The following KCNT1 variants were observed in gnomAD, a reference collection of about 807,000 sequenced individuals.
KCNT1 encodes potassium channel subfamily T member 1.
Under a neutral mutation model 147.8 loss-of-function variants are expected in KCNT1, and 78 were observed. The ratio of observed to expected loss-of-function variants is 0.53; its 90% CI spans 0.44 to 0.64. The LOEUF is 0.64. Ranked by LOEUF, KCNT1 falls within the 30% of genes least tolerant of loss-of-function variation. The probability of loss-of-function intolerance (pLI) is 0.00; values close to 1 mark genes in which losing one functional copy is unlikely to be tolerated. For missense variants in KCNT1, 1,419 were observed against 1,750.3 expected (o/e 0.81, Z 3.38); for synonymous variants, 867 against 748.8 (o/e 1.16, Z -2.58).
chr9:135,768,441 C>T lies in KCNT1; in HGVS notation c.1338-169C>T, dbSNP rs150343102. The T allele has an allele frequency of 1.3e-3, 767 of 586,896 alleles. 4 individuals are homozygous for T. The highest frequency in any genetic ancestry group is 0.012 in the African/African-American group (648 of 53,258). 36.4% of individuals were successfully genotyped at this position (586,896 alleles called of 1,614,324 possible). ...GCCTCCTCCCGCCTTCCATCCTCCC[C>T]GCCTTCCATCCTCTCCGCCTTCCAT... On this transcript the variant is annotated intron_variant, in intron 13 of 30. Coordinates refer to ENST00000371757, the MANE Select transcript of KCNT1 (RefSeq NM_020822.3).
At chr9:135,735,526 C>T (rs1830299712) in intron 2 of KCNT1, among the ~76,000 whole-genome samples, 1 of 152,158 alleles carries the variant, frequency 6.6e-6, no homozygotes, top group African/African-American at 2.4e-5. Context: ...AGAAACCGTC[C>T]AGCCAAGGGT....
Position 135,775,684 on chromosome 9 carries a change from C to T in KCNT1, c.2349+269C>T, listed in dbSNP as rs76125418. Among the ~76,000 whole-genome samples the T allele has an allele frequency of 0.021, 3,181 of 152,276 alleles. 115 individuals carry two copies. Among genetic ancestry groups the T allele is most frequent in the African/African-American group, 0.072 (2,995 of 41,526 alleles). Reference sequence around the variant, plus strand: ...CCATCTTGAGAACAGGTTGGAGCCACCACACCCCTTTCCCCTAATACATCT... The same window carrying T: ...CCATCTTGAGAACAGGTTGGAGCCATCACACCCCTTTCCCCTAATACATCT... On this transcript the variant is annotated intron_variant, in intron 20 of 30. Transcript: ENST00000371757.
At chr9:135,728,510 G>C (rs572980741) in intron 2 of KCNT1, among the ~76,000 whole-genome samples, 1 of 152,344 alleles carries the variant, frequency 6.6e-6, no homozygotes, top group Admixed American at 6.5e-5. Context: ...GATTTCAGGA[G>C]GCCCTGATTA....
At chr9:135,748,360 ACC>A (rs1406137370) in intron 2 of KCNT1, among the ~76,000 whole-genome samples, 18 of 147,654 alleles carry the variant, frequency 1.2e-4, no homozygotes, top group Non-Finnish European at 7.4e-5. Context: ...TGCTGCACAC[ACC>A]TGGTCCACAC....
chr9:135,764,546 C>G (rs1052710750), intron 11 of KCNT1, among the ~76,000 whole-genome samples: 1 of 152,160 alleles, frequency 6.6e-6, no homozygotes, highest in African/African-American at 2.4e-5. Flanking sequence ...TGGATCTGTC[C>G]CCTTTGAGTC....
chr9:135,763,092 G>C (rs754505392), intron 11 of KCNT1, among the ~76,000 whole-genome samples: 1 of 152,252 alleles, frequency 6.6e-6, no homozygotes, highest in African/African-American at 2.4e-5. Flanking sequence ...GCAGGGCCTG[G>C]GGGCTGGCGC....
chr9:135,723,025 C>T (rs1045757383), intron 2 of KCNT1, among the ~76,000 whole-genome samples: 2 of 152,262 alleles, frequency 1.3e-5, no homozygotes, highest in Non-Finnish European at 2.9e-5. Flanking sequence ...TCTGCCAGGT[C>T]CCTCGGGAGA....
intron 2 of KCNT1, among the ~76,000 whole-genome samples, chr9:135,744,435 C>T (rs1160955253): frequency 2.0e-5 from 3 of 152,370 alleles, no homozygotes; most frequent in South Asian, 2.1e-4. Flanking sequence ...CATGGGTACA[C>T]GCGGGGCCCA....
chr9:135,702,210 C>T lies in KCNT1; in HGVS notation c.-49C>T, dbSNP rs1347194788. On this transcript the variant is annotated 5_prime_UTR_variant, in exon 1 of 31. Coordinates refer to ENST00000371757, the MANE Select transcript of KCNT1 (RefSeq NM_020822.3). ...AGGGCAACGCGAGGGAAGAAGGTGG[C>T]GGCTCCCACTCGCTTCTCCCTCGGG... 2.2e-6 allele frequency: 3 copies of T among 1,345,238 alleles called. No homozygotes were observed. The highest frequency in any genetic ancestry group is 1.9e-5 in the Admixed American group (1 of 52,688). 83.3% of individuals were successfully genotyped at this position (1,345,238 alleles called of 1,614,324 possible).
chr9:135,709,349 G>T (rs942792680), intron 1 of KCNT1, among the ~76,000 whole-genome samples: 1 of 152,198 alleles, frequency 6.6e-6, no homozygotes, highest in Non-Finnish European at 1.5e-5. Flanking sequence ...GTTCAGGGAC[G>T]TGCAGGCTGT....
chr9:135,720,288 G>A (rs964442176), intron 2 of KCNT1, among the ~76,000 whole-genome samples: 5 of 151,968 alleles, frequency 3.3e-5, no homozygotes, highest in African/African-American at 9.7e-5. Context: ...GCCCCACCAG[G>A]CCTCCAAGCA....
intron 11 of KCNT1, among the ~76,000 whole-genome samples, chr9:135,761,432 C>CCCT (rs1431611371): frequency 2.6e-5 from 4 of 152,204 alleles, no homozygotes; most frequent in Non-Finnish European, 4.4e-5. Flanking sequence ...GGAGTGAGGC[C>CCCT]AGGAGCACAG....
chr9:135,786,387 A>G lies in KCNT1; in HGVS notation c.3368A>G (p.Gln1123Arg), dbSNP rs775015763. ...AGGCTGAGCCGCAAGGCGCCCAAGC[A>G]GGCAGGCCGGGCGGCGGCCGCGGAG... The part of the protein sequence containing the change: ...ARRLSRKAPK[Q>R]AGRAAAAEWI... Residue 1123 changes from glutamine to arginine, a missense_variant, in exon 29 of 31, where the codon CAG becomes CGG. Transcript: ENST00000371757. 11 of 1,576,194 alleles carry G rather than the reference A, an allele frequency of 7.0e-6. No individual in the cohort carries two copies. The African/African-American group carries it at 8.1e-5, about 12-fold the overall frequency.
rs375237065 is a variant in KCNT1, at chr9:135,757,394, G to A, written c.759+13G>A. ...GGAAAACATGATTGTAAGCCGGGGC[G>A]GGGGGTGCAGCTGGGACTTGGGGGG... On this transcript the variant is annotated intron_variant, in intron 9 of 30. Transcript: ENST00000371757. 406 of 1,602,978 alleles carry A rather than the reference G, an allele frequency of 2.5e-4. No individual in the cohort carries two copies. Among genetic ancestry groups the A allele is most frequent in the Non-Finnish European group, 3.1e-4 (360 of 1,178,208 alleles).
At position 135,777,424 on chromosome 9, in the gene KCNT1, T is replaced by A; in HGVS notation, c.2436T>A (p.Asn812Lys). ...TCGTCTCGGCAGAGACGGCCGGCAA[T>A]GGGCTGTACAACTTCATCGTGCCAC... is the stretch of plus-strand genomic sequence containing the variant. ...LIIVSAETAG[N>K]GLYNFIVPLR... Residue 812 changes from asparagine (N) to lysine (K), a missense_variant, in exon 21 of 31, where the codon AAT (asparagine) becomes AAA (lysine). Asn to Lys is a moderately conservative substitution (Grantham distance 94). Transcript: ENST00000371757. The A allele has an allele frequency of 6.2e-7, 1 of 1,614,000 alleles. No homozygotes were observed. The highest frequency in any genetic ancestry group is 8.5e-7 in the Non-Finnish European group (1 of 1,179,934).
At chr9:135,788,248 C>G in intron 29 of KCNT1, 1 of 1,158,924 alleles carries the variant, frequency 8.6e-7, no homozygotes, top group South Asian at 1.2e-5. Flanking sequence ...GCCATCCCGG[C>G]CAGGCAGGTG....
At chr9:135,743,651 C>G (rs751660197) in intron 2 of KCNT1, among the ~76,000 whole-genome samples, 5 of 152,228 alleles carry the variant, frequency 3.3e-5, no homozygotes, top group Non-Finnish European at 7.3e-5. Context: ...CCCAGGCTCC[C>G]GAGGAGTCGG....
At chr9:135,769,851 G>A (rs1007386008) in intron 15 of KCNT1, 96 bp from the exon 16 acceptor site, 36 of 834,386 alleles carry the variant, frequency 4.3e-5, no homozygotes, top group African/African-American at 4.2e-4. Context: ...AGGCAAGGGT[G>A]CATCTGCATA....
At position 135,702,284 on chromosome 9, in the gene KCNT1, C is replaced by T. The variant is rs771423997; in HGVS notation, c.26C>T (p.Thr9Ile). 17 of 1,609,068 alleles carry T rather than the reference C, an allele frequency of 1.1e-5. No individual in the cohort carries two copies. The highest frequency in any genetic ancestry group is 2.2e-5 in the East Asian group (1 of 44,592). The change falls in exon 1 of 31, where the codon ACC becomes ATC. Residue 9 changes from threonine to isoleucine, a missense_variant. Physicochemically the swap from Thr to Ile is moderately conservative, Grantham distance 89. This residue lies in a region of KCNT1 where 181 missense variants were observed against 155.7 expected (regional missense o/e 1.16). Coordinates refer to ENST00000371757, the MANE Select transcript of KCNT1 (RefSeq NM_020822.3). ...ATGCCACTCCCTGACGGGGCGCGGA[C>T]CCCGGGGGGCGTCTGCCGGGAGGCG... MPLPDGARTPGGVCREARG... is the reference protein window; with the variant it reads MPLPDGARIPGGVCREARG...
Sources: gnomAD v4.1 joint callset for allele counts (sites outside exome capture counted in the v4.1 genomes callset) on GRCh38, gnomAD v4.1.1 for gene constraint, gnomAD v4.1.1 regional missense constraint, MANE v1.5 for transcripts, NCBI Gene and HGNC (gene_info 2026-07-23, HGNC 2026-07-21) for gene names.